The following PAX7 variants were observed in gnomAD, a reference collection of about 807,000 sequenced individuals.
The protein encoded by PAX7 is paired box protein Pax-7.
PAX7 carries 18 observed loss-of-function variants against 50.7 expected under a neutral mutation model. The ratio of observed to expected loss-of-function variants is 0.36; its 90% CI spans 0.25 to 0.53. PAX7 has a LOEUF of 0.53. Ranked by LOEUF, PAX7 falls within the 20% of genes least tolerant of loss-of-function variation. The pLI is 0.93. For synonymous variants in PAX7, 310 were observed against 290.4 expected, an observed-to-expected ratio of 1.07 and a Z score of -0.69; for missense variants, 644 against 702.9, an observed-to-expected ratio of 0.92 and a Z score of 0.95.
At position 18,726,779 on chromosome 1, in the gene PAX7, C is replaced by T. The variant is rs577880522; in HGVS notation, c.1156-8853C>T. Among the ~76,000 whole-genome samples, 1 of 152,324 alleles carries T rather than the reference C, an allele frequency of 6.6e-6. No individual in the cohort carries two copies. The highest frequency in any genetic ancestry group is 2.4e-5 in the African/African-American group (1 of 41,576). On this transcript the variant is annotated intron_variant, in intron 7 of 8. Coordinates refer to ENST00000420770, the MANE Select transcript of PAX7 (RefSeq NM_001135254.2). This position sits in a 1 kb window ranked among gnomAD's most constrained non-coding sequence, Gnocchi z 4.8. Reference sequence around the variant, plus strand: ...TTCACAAATTATCCCCTCTGCTTTCCTCTTCACTCAGACAGAGCCGGCCTC... The same window carrying T: ...TTCACAAATTATCCCCTCTGCTTTCTTCTTCACTCAGACAGAGCCGGCCTC...
chr1:18,716,787 C>G (rs563570299), intron 7 of PAX7, among the ~76,000 whole-genome samples: 2 of 151,994 alleles, frequency 1.3e-5, no homozygotes, highest in African/African-American at 2.4e-5. Flanking sequence ...CTCCTCTCCT[C>G]TCTCATTCCG....
At chr1:18,705,488 C>G (rs1402974619) in intron 7 of PAX7, among the ~76,000 whole-genome samples, 1 of 152,164 alleles carries the variant, frequency 6.6e-6, no homozygotes, top group Admixed American at 6.5e-5. Flanking sequence ...TACACATTGG[C>G]CAGGCCAGGG....
intron 7 of PAX7, among the ~76,000 whole-genome samples, chr1:18,714,635 G>A (rs1406470145): frequency 2.0e-5 from 3 of 152,194 alleles, no homozygotes; most frequent in Non-Finnish European, 4.4e-5. Flanking sequence ...TTCCCCATCT[G>A]TGCAATGAAA....
In PAX7 at chr1:18,634,205, TCAAA is replaced by T; in HGVS notation, c.86-89_86-86del. 1 of 949,988 alleles carries T rather than the reference TCAAA, an allele frequency of 1.1e-6. No homozygotes were observed. Among genetic ancestry groups the T allele is most frequent in the Non-Finnish European group, 1.6e-6 (1 of 625,716 alleles). 58.8% of individuals were successfully genotyped at this position (949,988 alleles called of 1,614,324 possible). On this transcript the variant is annotated intron_variant, in intron 1 of 8. Transcript: ENST00000420770. This position sits in a 1 kb window ranked among gnomAD's most constrained non-coding sequence, Gnocchi z 4.0. ...GGATTGCTGTCTGAGGTCTTGGGGC[TCAAA>T]CAAACAAAACTGGAGTCAGGGAGTG...
chr1:18,736,339 C>T (rs2089712992), intron 8 of PAX7, among the ~76,000 whole-genome samples: 1 of 151,970 alleles, frequency 6.6e-6, no homozygotes, highest in South Asian at 2.1e-4. Context: ...GTGGCGCACA[C>T]CTGTAATCCC....
At chr1:18,731,963 G>A (rs367555247) in intron 7 of PAX7, among the ~76,000 whole-genome samples, 4 of 152,098 alleles carry the variant, frequency 2.6e-5, no homozygotes, top group Non-Finnish European at 4.4e-5. Context: ...TTTACTCTCC[G>A]CCTTCACCTT....
At chr1:18,724,829 C>T (rs1363845777) in intron 7 of PAX7, among the ~76,000 whole-genome samples, 1 of 152,218 alleles carries the variant, frequency 6.6e-6, no homozygotes, top group Non-Finnish European at 1.5e-5. Context: ...TCCTGGCCCT[C>T]CCTTGATCCT....
chr1:18,641,770 T>C (rs1354958931), intron 4 of PAX7, among the ~76,000 whole-genome samples: 2 of 152,180 alleles, frequency 1.3e-5, no homozygotes, highest in African/African-American at 2.4e-5. Context: ...CCAGACAGTA[T>C]TGGGAAGTTA....
rs1207841799 is a variant in PAX7, at chr1:18,636,659, G to T, written c.586+288G>T. ...GCCCGGCTGCGGGGCTGCGCGCCTG[G>T]TCTACCCCAATACTGCGGGGAGTGC... On this transcript the variant is annotated intron_variant, in intron 4 of 8. Coordinates refer to ENST00000420770, the MANE Select transcript of PAX7 (RefSeq NM_001135254.2). This position sits in a 1 kb window ranked among gnomAD's most constrained non-coding sequence, Gnocchi z 5.1. Among the ~76,000 whole-genome samples the T allele has an allele frequency of 6.6e-6, 1 of 152,066 alleles. No homozygotes were observed. The highest frequency in any genetic ancestry group is 2.4e-5 in the African/African-American group (1 of 41,408).
chr1:18,684,482 A>G (rs575102163), intron 4 of PAX7, among the ~76,000 whole-genome samples: 82 of 152,268 alleles, frequency 5.4e-4, no homozygotes, highest in African/African-American at 1.9e-3. Flanking sequence ...CTTGTGTGCA[A>G]TCTGACTCCC....
At chr1:18,692,900 AGGGGCAAAGGCCTGCTGTAGGGGGCCTGG>A (rs2089095115) in intron 5 of PAX7, among the ~76,000 whole-genome samples, 3 of 152,116 alleles carry the variant, frequency 2.0e-5, no homozygotes, top group African/African-American at 7.2e-5. Context: ...CAGTGGGTTG[AGGGGCAAAGGCCTGCTGTAGGGGGCCTGG>A]GGACATTGCC....
At chr1:18,659,275 A>G (rs2088566768) in intron 4 of PAX7, among the ~76,000 whole-genome samples, 1 of 152,222 alleles carries the variant, frequency 6.6e-6, no homozygotes, top group African/African-American at 2.4e-5. Context: ...CCATATGCAG[A>G]ACAGGTGCTC....
chr1:18,730,742 T>A (rs575943911), intron 7 of PAX7, among the ~76,000 whole-genome samples: 3 of 152,082 alleles, frequency 2.0e-5, no homozygotes, highest in African/African-American at 7.2e-5. Flanking sequence ...CGCCGGCATG[T>A]CCCAGGGGAG....
At chr1:18,708,045 A>G (rs2089306226) in intron 7 of PAX7, among the ~76,000 whole-genome samples, 1 of 152,100 alleles carries the variant, frequency 6.6e-6, no homozygotes, top group Non-Finnish European at 1.5e-5. Flanking sequence ...GCCCCAGCCT[A>G]ATAGGATTAG....
chr1:18,696,298 C>A (rs528367435), intron 5 of PAX7, among the ~76,000 whole-genome samples: 2 of 152,210 alleles, frequency 1.3e-5, no homozygotes, highest in Admixed American at 6.5e-5. Flanking sequence ...AACTCCTGAC[C>A]TCAGGTGATC....
At chr1:18,686,679 A>C (rs889084842) in intron 4 of PAX7, among the ~76,000 whole-genome samples, 1 of 152,010 alleles carries the variant, frequency 6.6e-6, no homozygotes, top group African/African-American at 2.4e-5. Flanking sequence ...AGGGCACCCC[A>C]AGAGAGTGGG....
At chr1:18,633,181 G>A (rs1379924283) in intron 1 of PAX7, among the ~76,000 whole-genome samples, 1 of 152,138 alleles carries the variant, frequency 6.6e-6, no homozygotes, top group African/African-American at 2.4e-5. Flanking sequence ...GGAGGGGGCG[G>A]TAGGAACGGC....
chr1:18,648,533 G>T (rs1440137786), intron 4 of PAX7, among the ~76,000 whole-genome samples: 2 of 151,954 alleles, frequency 1.3e-5, no homozygotes, highest in African/African-American at 4.8e-5. Flanking sequence ...TGTAGAAACA[G>T]GATTTTGCCA....
intron 7 of PAX7, among the ~76,000 whole-genome samples, chr1:18,725,712 C>T (rs1457114165): frequency 6.6e-6 from 1 of 152,246 alleles, no homozygotes; most frequent in Non-Finnish European, 1.5e-5. Flanking sequence ...CCGAGCCTCG[C>T]CGCTCCGAGC....
Sources: allele counts gnomAD v4.1 joint callset (sites outside exome capture counted in the v4.1 genomes callset), GRCh38; gene constraint gnomAD v4.1.1; non-coding constraint Gnocchi (gnomAD v3.1); transcripts MANE v1.5; gene names NCBI Gene and HGNC (gene_info 2026-07-23, HGNC 2026-07-21).